The following ZNF254 variants were observed in gnomAD, a reference collection of about 807,000 sequenced individuals.
The protein encoded by ZNF254 is zinc finger protein 254, also known as CTD-2017D11.1.
Under a neutral mutation model 12.4 loss-of-function variants are expected in ZNF254, and 10 were observed. The observed-to-expected ratio is 0.80, with a 90% CI of 0.50 to 1.36. The LOEUF (loss-of-function observed/expected upper bound fraction) is 1.36. Among genes scored for constraint, ZNF254 ranks in the 40% most tolerant of loss-of-function variants. The pLI, the probability that ZNF254 is intolerant of heterozygous loss-of-function variation, is 0.00. For synonymous variants in ZNF254, 305 were observed against 253.4 expected, an observed-to-expected ratio of 1.20 and a Z score of -1.93; for missense variants, 996 against 763.9, an observed-to-expected ratio of 1.30 and a Z score of -3.58.
At chr19:24,118,065 T>G (rs1327074587) in intron 3 of ZNF254, among the ~76,000 whole-genome samples, 3 of 151,590 alleles carry the variant, frequency 2.0e-5, no homozygotes, top group African/African-American at 4.8e-5. Context: ...TTCTTTTTTT[T>G]TTTTTGAAAT....
chr19:24,037,474 C>T (rs906469808), intron 1 of ZNF254, among the ~76,000 whole-genome samples: 1 of 152,176 alleles, frequency 6.6e-6, no homozygotes, highest in Non-Finnish European at 1.5e-5. Flanking sequence ...TGCTCTGTCA[C>T]CCAGGCTGGA....
At position 24,072,190 on chromosome 19, in the gene ZNF254, G is replaced by T. The variant is rs1288335204; in HGVS notation, c.-94+25911G>T. Among the ~76,000 whole-genome samples, 4 of 147,238 alleles carry T rather than the reference G, an allele frequency of 2.7e-5. No homozygotes were observed. The East Asian group carries it at 6.2e-4, about 23-fold the overall frequency. On this transcript the variant is annotated intron_variant, in intron 2 of 4. Transcript: ENST00000613065. ...CTTTTTCATTTTTTTTTTTTCTTCT[G>T]AGATGTAGTCTCGCTCTGTCACCCA...
Position 24,105,976 on chromosome 19 carries a change from T to C in ZNF254, c.67T>C (p.Ser23Pro). The change falls in exon 2 of 4, where the codon TCT (serine) becomes CCT (proline). Residue 23 changes from serine to proline, a missense_variant. By Grantham distance (74) the Ser-to-Pro change is moderately conservative (BLOSUM62 -1). Transcript: ENST00000357002. ...ATTTAGGGATGTGGCCATAGAATTC[T>C]CTCTGGAGGAGTGGCAACACCTGGA... The part of the protein sequence containing the change: ...LTFRDVAIEF[S>P]LEEWQHLDIA... 1 of 1,599,460 alleles carries C rather than the reference T, an allele frequency of 6.3e-7. No individual in the cohort carries two copies. The highest frequency in any genetic ancestry group is 1.1e-5 in the South Asian group (1 of 90,952).
intron 1 of ZNF254, chr19:24,105,541 G>A (rs1451315812): frequency 2.3e-5 from 5 of 218,714 alleles, no homozygotes; most frequent in South Asian, 1.9e-4. Context: ...TATTGTACAC[G>A]TTAAAATTTG....
intron 2 of ZNF254, chr19:24,049,259 G>T (rs1421624890): frequency 2.3e-5 from 3 of 128,812 alleles, no homozygotes; most frequent in African/African-American, 9.5e-5. Flanking sequence ...TAATATAGGG[G>T]TTGTCTCACC....
intron 1 of ZNF254, among the ~76,000 whole-genome samples, chr19:24,036,709 A>C: frequency 6.6e-6 from 1 of 152,184 alleles, no homozygotes; most frequent in Non-Finnish European, 1.5e-5. Context: ...TGTTCTGCAC[A>C]CAGGCTGTCA....
Position 24,127,381 on chromosome 19 carries a change from C to T in ZNF254, c.1381C>T (p.Pro461Ser). Residue 461 changes from proline (P) to serine (S), a missense_variant, in exon 4 of 4, where the codon CCC becomes TCC. Physicochemically the swap from Pro to Ser is moderately conservative, Grantham distance 74 (BLOSUM62 -1). Transcript: ENST00000357002. ...TAAGAGAATTCATACTAGAGAGAAA[C>T]CCTACAAATGTGAAGAATGTGGCAA... ...KHKRIHTREK[P>S]YKCEECGKAF... 2.5e-6 allele frequency: 4 copies of T among 1,612,272 alleles called. No individual in the cohort carries two copies. Among genetic ancestry groups the T allele is most frequent in the Non-Finnish European group, 3.4e-6 (4 of 1,178,760 alleles).
At position 24,126,560 on chromosome 19, in the gene ZNF254, G is replaced by A. The variant is rs142780494; in HGVS notation, c.560G>A (p.Arg187His). The stretch of plus-strand genomic sequence containing the variant: ...AAGAAATCTTTCAAATGTAAAAAAC[G>A]TGTCAAATTATTTTGCATGCTTTCA... ...TEKKSFKCKK[R>H]VKLFCMLSHK... Residue 187 changes from arginine to histidine, a missense_variant, in exon 4 of 4, where the codon CGT becomes CAT. Arg to His is a conservative substitution (Grantham distance 29). Coordinates refer to ENST00000357002, the MANE Select transcript of ZNF254 (RefSeq NM_203282.4). The A allele has an allele frequency of 1.4e-5, 23 of 1,604,200 alleles. No homozygotes were observed. Among genetic ancestry groups the A allele is most frequent in the Non-Finnish European group, 1.8e-5 (21 of 1,177,122 alleles).
intron 2 of ZNF254, among the ~76,000 whole-genome samples, chr19:24,059,157 C>T (rs62114787): frequency 0.15 from 22,605 of 152,282 alleles, 1,941 homozygotes; most frequent in Middle Eastern, 0.23. Flanking sequence ...TGATGTGTGT[C>T]TCCAGCCTGG....
intron 3 of ZNF254, among the ~76,000 whole-genome samples, chr19:24,108,191 G>A (rs1486302583): frequency 1.3e-5 from 2 of 152,094 alleles, no homozygotes; most frequent in African/African-American, 2.4e-5. Context: ...ACTGCTTCAG[G>A]GACCACAGTA....
upstream of ZNF254, among the ~76,000 whole-genome samples, chr19:24,082,169 T>C (rs544090987): frequency 5.7e-4 from 87 of 151,720 alleles, no homozygotes; most frequent in African/African-American, 1.9e-3. Flanking sequence ...CAAAATATAG[T>C]AATTAAGAAG....
chr19:24,047,264 TTC>T (rs1262282965), intron 2 of ZNF254, among the ~76,000 whole-genome samples: 1 of 151,964 alleles, frequency 6.6e-6, no homozygotes, highest in Non-Finnish European at 1.5e-5. Flanking sequence ...TGTTTTGTAT[TTC>T]TCTCTTCCTC....
At chr19:24,122,500 C>G (rs886387387) in intron 3 of ZNF254, among the ~76,000 whole-genome samples, 2 of 152,162 alleles carry the variant, frequency 1.3e-5, no homozygotes, top group Non-Finnish European at 1.5e-5. Flanking sequence ...GCTCAGATTA[C>G]AGGTGTGAAC....
At chr19:24,075,409 G>C (rs566073688) in intron 2 of ZNF254, among the ~76,000 whole-genome samples, 1 of 152,256 alleles carries the variant, frequency 6.6e-6, no homozygotes, top group South Asian at 2.1e-4. Flanking sequence ...AAGAGAAAGA[G>C]TACAAAAGAA....
At chr19:24,042,261 T>A (rs951928863) in intron 1 of ZNF254, among the ~76,000 whole-genome samples, 70 of 152,224 alleles carry the variant, frequency 4.6e-4, no homozygotes, top group Non-Finnish European at 8.5e-4. Flanking sequence ...CTTTGTATCT[T>A]GCTCAGGGAT....
chr19:24,127,731 A>G lies in ZNF254; in HGVS notation c.1731A>G (p.Glu577=). Residue 577 remains glutamate (E), a synonymous_variant, in exon 4 of 4, where the codon GAA becomes GAG. Coordinates refer to ENST00000357002, the MANE Select transcript of ZNF254 (RefSeq NM_203282.4). ...IHTGEKPYKC[E]ECGKSFNRSS... Reference sequence around the variant, plus strand: ...CTGGAGAGAAACCCTATAAATGTGAAGAATGTGGCAAATCTTTTAACCGGT... The same window carrying G: ...CTGGAGAGAAACCCTATAAATGTGAGGAATGTGGCAAATCTTTTAACCGGT... 6.2e-7 allele frequency: 1 copy of G among 1,613,080 alleles called. No homozygotes were observed.
Position 24,128,190 on chromosome 19 carries a change from T to G in ZNF254, c.*210T>G. 1 of 515,496 alleles carries G rather than the reference T, an allele frequency of 1.9e-6. No individual in the cohort carries two copies. Among genetic ancestry groups the G allele is most frequent in the Non-Finnish European group, 3.2e-6 (1 of 316,916 alleles). The allele number at this position is 515,496 out of a possible 1,614,324, so 31.9% of individuals were successfully genotyped here. A position where few individuals can be genotyped will look rare whatever the true frequency, so the allele number is the denominator to read the frequency against. On this transcript the variant is annotated 3_prime_UTR_variant, in exon 4 of 4. Coordinates refer to ENST00000357002, the MANE Select transcript of ZNF254 (RefSeq NM_203282.4). Reference sequence around the variant, plus strand: ...TCACACTTGATTGTAGGTAAGATAATTCATACTGGAGAAAACTACCAGTGT... The same window carrying G: ...TCACACTTGATTGTAGGTAAGATAAGTCATACTGGAGAAAACTACCAGTGT...
rs1404330982 is a variant in ZNF254, at chr19:24,126,745, CA to C, written c.747del (p.Gln249HisfsTer10). On this transcript the variant is annotated frameshift_variant, in exon 4 of 4. Transcript: ENST00000357002. LOFTEE classifies it low-confidence loss of function (END_TRUNC). ...KCEEYNKSPK[Q>X]LSTLTTHEII... ...TGAAGAATATAACAAATCTCCTAAG[CA>C]ACTCTCAACCCTTACTACACATGAA... The C allele has an allele frequency of 6.2e-7, 1 of 1,613,256 alleles. No individual in the cohort carries two copies. The highest frequency in any genetic ancestry group is 8.5e-7 in the Non-Finnish European group (1 of 1,179,768).
At chr19:24,125,306 A>G (rs929897573) in intron 3 of ZNF254, among the ~76,000 whole-genome samples, 1 of 115,604 alleles carries the variant, frequency 8.7e-6, no homozygotes, top group Non-Finnish European at 1.9e-5. Flanking sequence ...TATCTTAACT[A>G]TTTTTTATTC....
Sources: gnomAD v4.1 joint callset for allele counts (sites outside exome capture counted in the v4.1 genomes callset) on GRCh38, gnomAD v4.1.1 for gene constraint, MANE v1.5 for transcripts, NCBI Gene and HGNC (gene_info 2026-07-23, HGNC 2026-07-21) for gene names.